The following MCTP1 variants were observed in gnomAD, a reference collection of about 807,000 sequenced individuals.
MCTP1 encodes multiple C2 and transmembrane domain-containing protein 1.
Under a neutral mutation model 120.6 loss-of-function variants are expected in MCTP1, and 69 were observed. The ratio of observed to expected loss-of-function variants is 0.57; its 90% CI spans 0.47 to 0.70. The LOEUF is 0.70. Ranked by LOEUF, MCTP1 falls within the 30% of genes least tolerant of loss-of-function variation. The probability of loss-of-function intolerance (pLI) is 0.00; values close to 1 mark genes in which losing one functional copy is unlikely to be tolerated. For missense variants in MCTP1, 1,203 were observed against 1,248.8 expected (o/e 0.96, Z 0.55); for synonymous variants, 529 against 493.1 (o/e 1.07, Z -0.96).
intron 6 of MCTP1, among the ~76,000 whole-genome samples, chr5:94,925,008 C>T (rs567041863): frequency 6.6e-6 from 1 of 152,282 alleles, no homozygotes; most frequent in South Asian, 2.1e-4. Flanking sequence ...CCAGGCTGTG[C>T]TTTTCATGCC....
intron 19 of MCTP1, among the ~76,000 whole-genome samples, chr5:94,769,712 G>T (rs1773634191): frequency 6.6e-6 from 1 of 151,956 alleles, no homozygotes; most frequent in Non-Finnish European, 1.5e-5. Context: ...ATAAAAACAG[G>T]TCGATTTTTA....
At chr5:95,145,201 T>C (rs1314751796) in intron 1 of MCTP1, among the ~76,000 whole-genome samples, 5 of 152,172 alleles carry the variant, frequency 3.3e-5, no homozygotes, top group Non-Finnish European at 7.4e-5. Context: ...AGAGCTAGGA[T>C]GTTATTGGTG....
chr5:94,823,844 T>C (rs1257005173), intron 17 of MCTP1, among the ~76,000 whole-genome samples: 1 of 152,158 alleles, frequency 6.6e-6, no homozygotes, highest in African/African-American at 2.4e-5. Flanking sequence ...GGCTCTCTGT[T>C]TGTCTATTAT....
In MCTP1 at chr5:95,284,037, C is replaced by G; in HGVS notation, c.539G>C (p.Arg180Pro). The G allele has an allele frequency of 1.3e-6, 2 of 1,517,424 alleles. No individual in the cohort carries two copies. The highest frequency in any genetic ancestry group is 8.8e-7 in the Non-Finnish European group (1 of 1,134,552). 94.0% of individuals were successfully genotyped at this position (1,517,424 alleles called of 1,614,324 possible). The change falls in exon 1 of 23, where the codon CGA becomes CCA. Residue 180 changes from arginine to proline, a missense_variant. Physicochemically the swap from Arg to Pro is moderately radical, Grantham distance 103. Coordinates refer to ENST00000515393, the MANE Select transcript of MCTP1 (RefSeq NM_024717.7). This position sits in a 1 kb window ranked among gnomAD's most constrained non-coding sequence, Gnocchi z 5.2. ...GCCCTGACGCCGTGCACCCTCATCT[C>G]GGGCGCGGTCCCCCCTCGGGGGAGG... is the stretch of plus-strand genomic sequence containing the variant. ...PQPPPRGDRA[R>P]DEGARRQGPG...
At chr5:95,174,361 T>C (rs1337589528) in intron 1 of MCTP1, among the ~76,000 whole-genome samples, 4 of 152,072 alleles carry the variant, frequency 2.6e-5, no homozygotes, top group African/African-American at 9.7e-5. Flanking sequence ...AATGAAAAGA[T>C]ACTAAACCCA....
chr5:95,139,119 T>C (rs1759698576), intron 1 of MCTP1, among the ~76,000 whole-genome samples: 1 of 152,240 alleles, frequency 6.6e-6, no homozygotes, highest in Admixed American at 6.5e-5. Context: ...CTAAGAAACA[T>C]AATTATGATT....
intron 18 of MCTP1, among the ~76,000 whole-genome samples, chr5:94,791,382 C>T (rs1778921135): frequency 6.6e-6 from 1 of 151,760 alleles, no homozygotes; most frequent in South Asian, 2.1e-4. Context: ...GTTGTCCCAG[C>T]TAGGCAGGAG....
At chr5:95,199,581 G>A (rs1750765571) in intron 1 of MCTP1, among the ~76,000 whole-genome samples, 1 of 151,410 alleles carries the variant, frequency 6.6e-6, no homozygotes, top group Non-Finnish European at 1.5e-5. Flanking sequence ...AAGATTGCTG[G>A]GTGTGGTGGC....
intron 18 of MCTP1, among the ~76,000 whole-genome samples, chr5:94,784,361 A>G (rs1181093465): frequency 6.6e-6 from 1 of 152,104 alleles, no homozygotes; most frequent in African/African-American, 2.4e-5. Flanking sequence ...TGGAATGTCT[A>G]TTGATGGAGA....
intron 1 of MCTP1, among the ~76,000 whole-genome samples, chr5:95,114,548 ACCGGGTGAGGCT>A (rs1757680931): frequency 6.6e-6 from 1 of 152,198 alleles, no homozygotes; most frequent in Admixed American, 6.5e-5. Flanking sequence ...ATTGGTGGCC[ACCGGGTGAGGCT>A]CCTCTGCCTG....
At chr5:94,835,023 T>C (rs1401718181) in intron 17 of MCTP1, among the ~76,000 whole-genome samples, 2 of 152,092 alleles carry the variant, frequency 1.3e-5, no homozygotes, top group East Asian at 1.9e-4. Flanking sequence ...GGTTTCACCA[T>C]GTTGATCAGT....
rs544033852 is a variant in MCTP1, at chr5:95,190,658, C to T, written c.720+93198G>A. Reference sequence around the variant, plus strand: ...CCAAGTTTCCTTACTAAAAAAAAAACGGGAATAAAAATAATTCCTTTTCTA... The same window carrying T: ...CCAAGTTTCCTTACTAAAAAAAAAATGGGAATAAAAATAATTCCTTTTCTA... On this transcript the variant is annotated intron_variant, in intron 1 of 22. Coordinates refer to ENST00000515393, the MANE Select transcript of MCTP1 (RefSeq NM_024717.7). Among the ~76,000 whole-genome samples, 22 of 151,516 alleles carry T rather than the reference C, an allele frequency of 1.5e-4. No individual in the cohort carries two copies. In the East Asian group the frequency reaches 2.9e-3, roughly 20 times the overall value.
Position 94,912,906 on chromosome 5 carries a change from A to T in MCTP1, c.1421T>A (p.Ile474Asn). 1 of 1,603,654 alleles carries T rather than the reference A, an allele frequency of 6.2e-7. No homozygotes were observed. The highest frequency in any genetic ancestry group is 8.5e-7 in the Non-Finnish European group (1 of 1,175,684). The change falls in exon 9 of 23, where the codon ATC becomes AAC. Residue 474 changes from isoleucine (I) to asparagine (N), a missense_variant. This residue lies in a region of MCTP1 where 740 missense variants were observed against 871.1 expected (regional missense o/e 0.85). Coordinates refer to ENST00000515393, the MANE Select transcript of MCTP1 (RefSeq NM_024717.7). Reference protein sequence around the residue: ...KSHLWRGIVSITLIEGRDLKA... With the variant: ...KSHLWRGIVSNTLIEGRDLKA... Reference sequence around the variant, plus strand: ...GAGGTCTCTCCCTTCAATCAAGGTGATGCTGACTATTCCTCTCCAAAGATG... The same window carrying T: ...GAGGTCTCTCCCTTCAATCAAGGTGTTGCTGACTATTCCTCTCCAAAGATG...
intron 19 of MCTP1, among the ~76,000 whole-genome samples, chr5:94,768,911 A>G (rs879685481): frequency 2.0e-5 from 3 of 152,200 alleles, no homozygotes; most frequent in Non-Finnish European, 2.9e-5. Flanking sequence ...GGAAATCAGT[A>G]TATTAAAGGG....
intron 1 of MCTP1, chr5:95,081,794 T>C: frequency 9.2e-7 from 1 of 1,082,908 alleles, no homozygotes; most frequent in Non-Finnish European, 1.1e-6. Context: ...GGTTCTAAAA[T>C]ACTCACATTA....
intron 1 of MCTP1, among the ~76,000 whole-genome samples, chr5:95,132,142 C>A (rs1049739274): frequency 6.6e-6 from 1 of 152,126 alleles, no homozygotes; most frequent in African/African-American, 2.4e-5. Flanking sequence ...TATGACAATT[C>A]CGTAGAGAAT....
At chr5:94,726,196 C>T (rs1171156081) in intron 19 of MCTP1, among the ~76,000 whole-genome samples, 1 of 152,136 alleles carries the variant, frequency 6.6e-6, no homozygotes, top group Non-Finnish European at 1.5e-5. Context: ...TGGGTGCCTC[C>T]AGTTGTGTTT....
intron 1 of MCTP1, among the ~76,000 whole-genome samples, chr5:95,211,732 T>C (rs997940842): frequency 6.6e-6 from 1 of 152,192 alleles, no homozygotes; most frequent in Non-Finnish European, 1.5e-5. Flanking sequence ...CTGCGTTCCT[T>C]TGGAGGAGGA....
intron 1 of MCTP1, among the ~76,000 whole-genome samples, chr5:95,053,228 G>A (rs1054671227): frequency 2.6e-5 from 4 of 152,118 alleles, no homozygotes; most frequent in Non-Finnish European, 5.9e-5. Context: ...CTCTTTTCAT[G>A]GGTTTTAAAT....
Sources: gnomAD v4.1 joint callset for allele counts (sites outside exome capture counted in the v4.1 genomes callset) on GRCh38, gnomAD v4.1.1 for gene constraint, gnomAD v4.1.1 regional missense constraint, Gnocchi (gnomAD v3.1) non-coding constraint, MANE v1.5 for transcripts, NCBI Gene and HGNC (gene_info 2026-07-23, HGNC 2026-07-21) for gene names.